SKAP1: variants seen among roughly 807,000 people sequenced by gnomAD.
SKAP1 encodes the protein src kinase associated phosphoprotein 1.
A neutral mutation model predicts 58.5 loss-of-function variants in SKAP1; 44 were observed. The ratio of observed to expected loss-of-function variants is 0.75; its 90% confidence interval spans 0.59 to 0.97. The LOEUF (loss-of-function observed/expected upper bound fraction) is 0.97. SKAP1 is among the 50% of genes least tolerant of loss of function. The pLI is 0.00. For missense variants in SKAP1, 390 were observed against 435.2 expected (o/e 0.90, Z 0.92); for synonymous variants, 127 against 149.7 (o/e 0.85, Z 1.11).
chr17:48,190,104 T>C (rs555580766), intron 4 of SKAP1, among the ~76,000 whole-genome samples: 1 of 144,700 alleles, frequency 6.9e-6, no homozygotes, highest in African/African-American at 2.6e-5. Context: ...CTCCAGAAAA[T>C]TAAGAATTTT....
At chr17:48,442,736 G>T in the SKAP1 span, among the ~76,000 whole-genome samples, 4 of 152,062 alleles carry the variant, frequency 2.6e-5, no homozygotes, top group African/African-American at 9.7e-5. Context: ...TCTCTAGTCT[G>T]TTGCCACCAT....
At chr17:48,183,988 G>C (rs2064406804) in intron 7 of SKAP1, among the ~76,000 whole-genome samples, 1 of 80,418 alleles carries the variant, frequency 1.2e-5, no homozygotes, top group African/African-American at 4.7e-5. Context: ...TTACCAAAAA[G>C]CAGGAAACAA....
intron 2 of SKAP1, among the ~76,000 whole-genome samples, chr17:48,370,972 T>C (rs1351770955): frequency 6.6e-6 from 1 of 152,192 alleles, no homozygotes; most frequent in Non-Finnish European, 1.5e-5. Flanking sequence ...AATCACGTCC[T>C]TTTCAACAAG....
chr17:48,210,148 C>A (rs2039314449), intron 4 of SKAP1, among the ~76,000 whole-genome samples: 1 of 152,196 alleles, frequency 6.6e-6, no homozygotes, highest in South Asian at 2.1e-4. Flanking sequence ...AGGTAGATAA[C>A]TGACAGATGT....
chr17:48,267,765 A>G (rs1431326024), intron 4 of SKAP1, among the ~76,000 whole-genome samples: 1 of 151,868 alleles, frequency 6.6e-6, no homozygotes, highest in East Asian at 1.9e-4. Context: ...GCCATGGGAG[A>G]TGTTTAGGAA....
intron 4 of SKAP1, among the ~76,000 whole-genome samples, chr17:48,192,096 C>T (rs1056518784): frequency 2.6e-5 from 4 of 151,956 alleles, no homozygotes; most frequent in Admixed American, 6.6e-5. Flanking sequence ...AGGAGGATCT[C>T]TTGAGTCCAG....
intron 4 of SKAP1, among the ~76,000 whole-genome samples, chr17:48,239,199 A>C (rs565131095): frequency 6.6e-6 from 1 of 152,312 alleles, no homozygotes; most frequent in South Asian, 2.1e-4. Flanking sequence ...TGGACAGTGA[A>C]ATTCACATTC....
intron 4 of SKAP1, among the ~76,000 whole-genome samples, chr17:48,202,187 T>C (rs1251259912): frequency 6.6e-6 from 1 of 152,212 alleles, no homozygotes; most frequent in African/African-American, 2.4e-5. Context: ...GACATTCAGA[T>C]ATCATCAGAG....
chr17:48,263,674 G>A (rs958371053), intron 4 of SKAP1, among the ~76,000 whole-genome samples: 3 of 152,064 alleles, frequency 2.0e-5, no homozygotes, highest in Non-Finnish European at 2.9e-5. Flanking sequence ...AAATATGTCC[G>A]TTCTTGTCTC....
intron 9 of SKAP1, 125 bp downstream of exon 9, chr17:48,179,929 A>AT (rs2064345237): frequency 1.1e-6 from 1 of 872,172 alleles, no homozygotes; most frequent in Non-Finnish European, 1.8e-6. Context: ...AGCGTCCCAC[A>AT]TTATCTCCTT....
chr17:48,265,131 C>T (rs775185805), intron 4 of SKAP1, among the ~76,000 whole-genome samples: 12 of 152,068 alleles, frequency 7.9e-5, no homozygotes, highest in Non-Finnish European at 1.0e-4. Flanking sequence ...TGTTAACAGA[C>T]GTACCTGAAT....
At chr17:48,388,543 T>C (rs2067306690) in intron 2 of SKAP1, among the ~76,000 whole-genome samples, 1 of 152,248 alleles carries the variant, frequency 6.6e-6, no homozygotes, top group Admixed American at 6.5e-5. Flanking sequence ...ATCTAGTGGA[T>C]ATATGCTGTG....
At chr17:48,290,520 C>A (rs1189334530) in intron 4 of SKAP1, among the ~76,000 whole-genome samples, 2 of 152,190 alleles carry the variant, frequency 1.3e-5, no homozygotes, top group African/African-American at 4.8e-5. Flanking sequence ...CCCGGATAAT[C>A]TGTTTTATGT....
intron 6 of SKAP1, among the ~76,000 whole-genome samples, chr17:48,187,546 A>AT (rs145252108): frequency 0.027 from 4,113 of 152,086 alleles, 172 homozygotes; most frequent in African/African-American, 0.092. Context: ...AGTTCTTTTT[A>AT]TTTTTTTTAA....
At chr17:48,393,731 G>C (rs891674670) in intron 2 of SKAP1, among the ~76,000 whole-genome samples, 1 of 151,830 alleles carries the variant, frequency 6.6e-6, no homozygotes, top group African/African-American at 2.4e-5. Flanking sequence ...AAGGAAGCAA[G>C]GAAACAACAA....
intron 4 of SKAP1, among the ~76,000 whole-genome samples, chr17:48,191,336 A>T (rs1186754471): frequency 6.6e-6 from 1 of 152,240 alleles, no homozygotes; most frequent in African/African-American, 2.4e-5. Flanking sequence ...GCGGTATTTT[A>T]ACATTTATTC....
At chr17:48,220,015 A>G (rs1184342703) in intron 4 of SKAP1, among the ~76,000 whole-genome samples, 2 of 152,260 alleles carry the variant, frequency 1.3e-5, no homozygotes, top group African/African-American at 4.8e-5. Flanking sequence ...GCCACCCACC[A>G]GAATTGCTAA....
chr17:48,337,555 T>C (rs1598586265), intron 4 of SKAP1, among the ~76,000 whole-genome samples: 1 of 152,196 alleles, frequency 6.6e-6, no homozygotes, highest in African/African-American at 2.4e-5. Flanking sequence ...TCATTAGTAG[T>C]GTATTAAAAT....
At chr17:48,404,278 C>T (rs1176461118) in intron 1 of SKAP1, among the ~76,000 whole-genome samples, 1 of 151,838 alleles carries the variant, frequency 6.6e-6, no homozygotes, top group Non-Finnish European at 1.5e-5. Context: ...CATGGAGAAA[C>T]CCCATCTCTA....
Sources: gnomAD v4.1 joint callset for allele counts (sites outside exome capture counted in the v4.1 genomes callset) on GRCh38, gnomAD v4.1.1 for gene constraint, MANE v1.5 for transcripts, NCBI Gene and HGNC (gene_info 2026-07-23, HGNC 2026-07-21) for gene names.